The following RFC1 variants were observed in gnomAD, a reference collection of about 807,000 sequenced individuals.
The protein encoded by RFC1 is A1 140 kDa subunit.
In RFC1, 37 loss-of-function variants were observed where a neutral mutation model predicts 137.4. The ratio of observed to expected loss-of-function variants is 0.27; its 90% CI spans 0.21 to 0.35. RFC1 has a LOEUF of 0.35. Ranked by LOEUF, RFC1 falls within the 10% of genes least tolerant of loss-of-function variation. RFC1 has a pLI of 1.00. For synonymous variants in RFC1, 429 were observed against 455.7 expected (o/e 0.94, Z 0.75); for missense variants, 1,205 against 1,358.5 (o/e 0.89, Z 1.78).
chr4:39,355,716 A>G (rs1412028908), intron 1 of RFC1, among the ~76,000 whole-genome samples: 1 of 152,226 alleles, frequency 6.6e-6, no homozygotes, highest in Non-Finnish European at 1.5e-5. Context: ...AAACTGGTAT[A>G]ACCTTGGCTG....
In RFC1 at chr4:39,288,677, T is replaced by TG. The variant is rs1737500136; in HGVS notation, c.*83dup. 4 of 851,110 alleles carry TG rather than the reference T, an allele frequency of 4.7e-6. No individual in the cohort carries two copies. Among genetic ancestry groups the TG allele is most frequent in the Non-Finnish European group, 7.8e-6 (4 of 510,594 alleles). 52.7% of individuals were successfully genotyped at this position (851,110 alleles called of 1,614,324 possible). ...CCATTATGCTAAAACATGGTTGCTCTGGGAAAAAACAAGGCTTTCTCTAGA... is the reference window on the plus strand; with the variant it reads ...CCATTATGCTAAAACATGGTTGCTCTGGGGAAAAAACAAGGCTTTCTCTAGA... On this transcript the variant is annotated 3_prime_UTR_variant, in exon 25 of 25. Coordinates refer to ENST00000349703, the MANE Select transcript of RFC1 (RefSeq NM_002913.5).
intron 1 of RFC1, among the ~76,000 whole-genome samples, chr4:39,356,914 A>C (rs945245467): frequency 3.3e-5 from 5 of 152,218 alleles, no homozygotes; most frequent in African/African-American, 1.2e-4. Flanking sequence ...AAACTTTTGA[A>C]CAGTAACAAG....
chr4:39,308,578 C>T, intron 13 of RFC1, 58 bp downstream of exon 13: 1 of 1,545,890 alleles, frequency 6.5e-7, no homozygotes, highest in East Asian at 2.3e-5. Context: ...ATATGTGCCA[C>T]TGAGCAATCA....
intron 1 of RFC1, chr4:39,365,504 T>C: frequency 1.0e-6 from 1 of 985,324 alleles, no homozygotes; most frequent in African/African-American, 1.7e-5. Context: ...TCATTTCACT[T>C]TCAATTTGTT....
chr4:39,364,080 T>TAAAAAAAAAAAAAAAAAAAAAAAA (rs34471101), intron 1 of RFC1, among the ~76,000 whole-genome samples: 1 of 122,926 alleles, frequency 8.1e-6, no homozygotes, highest in African/African-American at 3.1e-5. Context: ...ACCTTGCCTT[T>TAAAAAAAAAAAAAAAAAAAAAAAA]AAAAAAAAAA....
At chr4:39,304,718 C>A in intron 15 of RFC1, 96 bp downstream of exon 15, 2 of 787,274 alleles carry the variant, frequency 2.5e-6, no homozygotes, top group Non-Finnish European at 4.5e-6. Flanking sequence ...TAGTAGGGTG[C>A]TTGGCACACA....
At chr4:39,304,579 A>G (rs1738536591) in intron 15 of RFC1, among the ~76,000 whole-genome samples, 1 of 152,184 alleles carries the variant, frequency 6.6e-6, no homozygotes, top group African/African-American at 2.4e-5. Flanking sequence ...AAAATCATGA[A>G]AAACGAATAT....
chr4:39,355,061 G>A (rs1368093279), intron 1 of RFC1, among the ~76,000 whole-genome samples: 2 of 136,010 alleles, frequency 1.5e-5, no homozygotes, highest in Admixed American at 1.6e-4. Context: ...CAGTCTGGGC[G>A]ACAGAGCGAC....
chr4:39,299,971 T>C, intron 21 of RFC1, 50 bp downstream of exon 21: 2 of 1,031,728 alleles, frequency 1.9e-6, no homozygotes, highest in Non-Finnish European at 1.5e-6. Context: ...AGCTATTTAG[T>C]TCTCTTAGTA....
intron 4 of RFC1, among the ~76,000 whole-genome samples, chr4:39,329,247 A>C (rs2109693131): frequency 6.6e-6 from 1 of 151,710 alleles, no homozygotes; most frequent in Admixed American, 6.6e-5. Flanking sequence ...CACACCTGTC[A>C]TCCCAGTACT....
intron 2 of RFC1, among the ~76,000 whole-genome samples, chr4:39,348,419 TTTCAAAA>T: frequency 1.8e-5 from 1 of 56,618 alleles, no homozygotes; most frequent in Non-Finnish European, 3.6e-5. Context: ...CAAGACTCTG[TTTCAAAA>T]AAGAAAAGAA....
chr4:39,351,284 A>AAAAAAAAAAC (rs1741187050), intron 2 of RFC1, 64 bp downstream of exon 2: 1 of 469,238 alleles, frequency 2.1e-6, no homozygotes, highest in African/African-American at 2.4e-5. Context: ...AAAAAAAAAA[A>AAAAAAAAAAC]ACTTATAAGA....
chr4:39,357,601 C>T (rs10019156), intron 1 of RFC1, among the ~76,000 whole-genome samples: 6,822 of 151,840 alleles, frequency 0.045, 529 homozygotes, highest in African/African-American at 0.16. Flanking sequence ...GGTTTTTATT[C>T]ATCCAGGAGC....
chr4:39,302,997 G>C, intron 16 of RFC1, 63 bp downstream of exon 16: 1 of 1,487,284 alleles, frequency 6.7e-7, no homozygotes, highest in South Asian at 1.1e-5. Flanking sequence ...ATGAGAGAAT[G>C]ACAATGTTCT....
At position 39,306,709 on chromosome 4, in the gene RFC1, G is replaced by GA. The variant is rs750968562; in HGVS notation, c.1886-9dup. The GA allele has an allele frequency of 1.7e-5, 27 of 1,562,146 alleles. No homozygotes were observed. Among genetic ancestry groups the GA allele is most frequent in the African/African-American group, 8.1e-5 (6 of 73,856 alleles). On this transcript the variant is annotated splice_polypyrimidine_tract_variant and intron_variant, in intron 13 of 24. Transcript: ENST00000349703. Reference sequence around the variant, plus strand: ...AAAATTTACCAAACTTTGCTGCTAGGAAAAAAGAAGTTCCAGAGTGTCAAC... The same window carrying GA: ...AAAATTTACCAAACTTTGCTGCTAGGAAAAAAAGAAGTTCCAGAGTGTCAAC...
At chr4:39,359,570 C>A (rs1741644985) in intron 1 of RFC1, among the ~76,000 whole-genome samples, 1 of 152,082 alleles carries the variant, frequency 6.6e-6, no homozygotes, top group Non-Finnish European at 1.5e-5. Context: ...AGCCTGTAAT[C>A]CCAGCACTTT....
chr4:39,335,277 T>A (rs1315172746), intron 4 of RFC1, among the ~76,000 whole-genome samples: 1 of 152,242 alleles, frequency 6.6e-6, no homozygotes, highest in Non-Finnish European at 1.5e-5. Flanking sequence ...AAGGTTCATG[T>A]ATGTGCCAAG....
rs1560606199 is a variant in RFC1, at chr4:39,323,413, T to A, written c.647A>T (p.Glu216Val). The A allele has an allele frequency of 6.2e-7, 1 of 1,613,884 alleles. No individual in the cohort carries two copies. The highest frequency in any genetic ancestry group is 1.3e-5 in the African/African-American group (1 of 74,938). ...QLQLDEDAEL[E>V]RQLHEDEEFA... ...CTCTTCATCTTCATGCAACTGCCTCTCCAGCTGTAAAATGTGTCAGCAAAG... is the reference window on the plus strand; with the variant it reads ...CTCTTCATCTTCATGCAACTGCCTCACCAGCTGTAAAATGTGTCAGCAAAG... The change falls in exon 7 of 25, where the codon GAG becomes GTG. Residue 216 changes from glutamate (E) to valine (V), a missense_variant. Coordinates refer to ENST00000349703, the MANE Select transcript of RFC1 (RefSeq NM_002913.5).
chr4:39,292,766 CA>C (rs1489804628), intron 22 of RFC1, among the ~76,000 whole-genome samples: 3 of 151,648 alleles, frequency 2.0e-5, no homozygotes, highest in African/African-American at 7.3e-5. Context: ...CTTAGCCTCC[CA>C]AGTAGCTGGG....
Sources: gnomAD v4.1 joint callset for allele counts (sites outside exome capture counted in the v4.1 genomes callset) on GRCh38, gnomAD v4.1.1 for gene constraint, MANE v1.5 for transcripts, NCBI Gene and HGNC (gene_info 2026-07-23, HGNC 2026-07-21) for gene names.